Variants in DPYD observed in about 807,000 individuals in gnomAD.
The protein encoded by DPYD is dihydropyrimidine dehydrogenase, also known as dihydropyrimidine dehydrogenase [NADP(+)].
In DPYD, 109 loss-of-function variants were observed where a neutral mutation model predicts 116.2. The observed-to-expected ratio is 0.94, with a 90% confidence interval of 0.80 to 1.10. The LOEUF (loss-of-function observed/expected upper bound fraction) is 1.10. DPYD is among the 50% of genes least tolerant of loss of function. The pLI, the probability that DPYD is intolerant of heterozygous loss-of-function variation, is 0.00. For synonymous variants in DPYD, 440 were observed against 432.0 expected (o/e 1.02, Z -0.23); for missense variants, 1,302 against 1,254.5 (o/e 1.04, Z -0.57).
At chr1:97,312,297 C>T (rs933640870) in intron 16 of DPYD, among the ~76,000 whole-genome samples, 2 of 151,714 alleles carry the variant, frequency 1.3e-5, no homozygotes, top group Non-Finnish European at 2.9e-5. Flanking sequence ...AAGAAACAGG[C>T]ATTCTCATAG....
chr1:97,092,445 C>T (rs1377722895), intron 21 of DPYD, among the ~76,000 whole-genome samples: 4 of 152,112 alleles, frequency 2.6e-5, no homozygotes, highest in African/African-American at 9.7e-5. Flanking sequence ...GACCACTTTC[C>T]TATTCTTAAG....
At chr1:97,379,090 C>T (rs971815560) in intron 15 of DPYD, among the ~76,000 whole-genome samples, 1 of 152,138 alleles carries the variant, frequency 6.6e-6, no homozygotes, top group Admixed American at 6.5e-5. Flanking sequence ...CAGGGTCTTA[C>T]AGAATAGGAC....
intron 13 of DPYD, among the ~76,000 whole-genome samples, chr1:97,503,702 T>A (rs975257205): frequency 1.1e-4 from 16 of 151,926 alleles, no homozygotes; most frequent in African/African-American, 3.9e-4. Flanking sequence ...AATCCATGCA[T>A]GTTTAATCAC....
chr1:97,189,511 T>G (rs576715277), intron 20 of DPYD, among the ~76,000 whole-genome samples: 1 of 152,320 alleles, frequency 6.6e-6, no homozygotes, highest in East Asian at 1.9e-4. Flanking sequence ...AATATCGGAC[T>G]GTCCAATTTC....
Position 97,187,447 on chromosome 1 carries a change from T to C in DPYD, c.2622+5622A>G, listed in dbSNP as rs1040004742. 2.6e-5 allele frequency among the ~76,000 whole-genome samples: 4 copies of C among 152,280 alleles called. No individual in the cohort carries two copies. The South Asian group carries it at 8.3e-4, about 32-fold the overall frequency. Reference sequence around the variant, plus strand: ...TACTTGTTTGTTGTTGTTGTTGAGTTGTTTGAGTTCTTTGTAAATTCTGGG... The same window carrying C: ...TACTTGTTTGTTGTTGTTGTTGAGTCGTTTGAGTTCTTTGTAAATTCTGGG... On this transcript the variant is annotated intron_variant, in intron 20 of 22. Coordinates refer to ENST00000370192, the MANE Select transcript of DPYD (RefSeq NM_000110.4).
intron 1 of DPYD, among the ~76,000 whole-genome samples, chr1:97,916,756 C>A (rs924670029): frequency 3.3e-5 from 5 of 152,044 alleles, no homozygotes; most frequent in African/African-American, 1.2e-4. Context: ...TTTAAACTGC[C>A]CACAACTTTG....
At chr1:97,173,204 A>G (rs1289968349) in intron 20 of DPYD, among the ~76,000 whole-genome samples, 2 of 142,650 alleles carry the variant, frequency 1.4e-5, no homozygotes, top group Non-Finnish European at 3.1e-5. Context: ...ATATATGTGT[A>G]CATATATACA....
chr1:97,704,354 A>G (rs1661779797), intron 5 of DPYD, among the ~76,000 whole-genome samples: 2 of 152,038 alleles, frequency 1.3e-5, no homozygotes, highest in South Asian at 4.1e-4. Flanking sequence ...GCATTATATG[A>G]AAAATGTAAA....
intron 18 of DPYD, among the ~76,000 whole-genome samples, chr1:97,254,135 G>C (rs1433005561): frequency 6.6e-6 from 1 of 152,084 alleles, no homozygotes; most frequent in African/African-American, 2.4e-5. Context: ...CTTTATAAGA[G>C]TAACTGGAAG....
chr1:97,487,396 A>G (rs770736444), intron 13 of DPYD, among the ~76,000 whole-genome samples: 2 of 152,174 alleles, frequency 1.3e-5, no homozygotes, highest in Non-Finnish European at 2.9e-5. Flanking sequence ...CAATGAGGCC[A>G]GGCGCGGTGG....
intron 16 of DPYD, among the ~76,000 whole-genome samples, chr1:97,362,154 C>A (rs1670766102): frequency 6.6e-6 from 1 of 152,202 alleles, no homozygotes; most frequent in Admixed American, 6.5e-5. Context: ...TTCCAATACA[C>A]CAATAACGGA....
At chr1:97,278,802 C>A (rs773046793) in intron 18 of DPYD, among the ~76,000 whole-genome samples, 4 of 152,108 alleles carry the variant, frequency 2.6e-5, no homozygotes, top group South Asian at 2.1e-4. Context: ...TTTTCTTGCA[C>A]AATGAAATTT....
intron 20 of DPYD, among the ~76,000 whole-genome samples, chr1:97,185,937 G>A (rs1394823650): frequency 6.6e-6 from 1 of 152,140 alleles, no homozygotes; most frequent in East Asian, 1.9e-4. Context: ...TTGTCAAATG[G>A]TTCATTTAAG....
At chr1:97,491,160 A>G (rs1678953695) in intron 13 of DPYD, among the ~76,000 whole-genome samples, 1 of 147,812 alleles carries the variant, frequency 6.8e-6, no homozygotes, top group Non-Finnish European at 1.5e-5. Flanking sequence ...ACTACATAAT[A>G]AAATATACAT....
At chr1:97,910,641 C>T (rs947639585) in intron 1 of DPYD, among the ~76,000 whole-genome samples, 1 of 152,058 alleles carries the variant, frequency 6.6e-6, no homozygotes, top group African/African-American at 2.4e-5. Context: ...AACATTAGCA[C>T]TCTAATTCCA....
At chr1:97,907,097 G>A (rs1183903910) in intron 1 of DPYD, among the ~76,000 whole-genome samples, 1 of 152,090 alleles carries the variant, frequency 6.6e-6, no homozygotes. Flanking sequence ...GATGAGTCAT[G>A]GGCTGGGCAG....
intron 2 of DPYD, among the ~76,000 whole-genome samples, chr1:97,865,176 T>TA (rs983678923): frequency 2.0e-5 from 3 of 151,842 alleles, no homozygotes; most frequent in Admixed American, 1.3e-4. Flanking sequence ...GTTGGTCAGG[T>TA]AAAGACTTGT....
intron 3 of DPYD, among the ~76,000 whole-genome samples, chr1:97,814,516 T>TA (rs1227101944): frequency 1.3e-5 from 2 of 152,082 alleles, no homozygotes; most frequent in Non-Finnish European, 2.9e-5. Flanking sequence ...TCCAAGGATA[T>TA]AGCTTTAACA....
intron 3 of DPYD, among the ~76,000 whole-genome samples, chr1:97,751,570 C>T (rs1257181572): frequency 7.0e-6 from 1 of 143,332 alleles, no homozygotes; most frequent in Non-Finnish European, 1.5e-5. Flanking sequence ...TCCATATCAG[C>T]CTGGGCAACA....
Sources: allele counts gnomAD v4.1 joint callset (sites outside exome capture counted in the v4.1 genomes callset), GRCh38; gene constraint gnomAD v4.1.1; transcripts MANE v1.5; gene names NCBI Gene and HGNC (gene_info 2026-07-23, HGNC 2026-07-21).